The following CD247 variants were observed in gnomAD, a reference collection of about 807,000 sequenced individuals.
CD247 encodes the protein T-cell surface glycoprotein CD3 zeta chain.
In CD247, 13 loss-of-function variants were observed where a neutral mutation model predicts 30.0. The observed-to-expected ratio is 0.43, with a 90% CI of 0.28 to 0.69. The LOEUF (loss-of-function observed/expected upper bound fraction) is 0.69. CD247 is among the 30% of genes least tolerant of loss of function. The pLI is 0.16. For missense variants in CD247, 193 were observed against 212.6 expected (o/e 0.91, Z 0.57); for synonymous variants, 72 against 80.0 (o/e 0.90, Z 0.53).
chr1:167,462,705 G>C (rs1653078384), intron 1 of CD247, among the ~76,000 whole-genome samples: 1 of 152,156 alleles, frequency 6.6e-6, no homozygotes, highest in Non-Finnish European at 1.5e-5. Flanking sequence ...TCCAAAGAAT[G>C]GGACCAGTAA....
rs139338530 is a variant in CD247 at position 167,491,214 on chromosome 1, G to A, written c.58+27194C>T. On this transcript the variant is annotated intron_variant, in intron 1 of 7. Coordinates refer to ENST00000362089, the MANE Select transcript of CD247 (RefSeq NM_198053.3). ...AGAAGGAATGCCGTGCACTGTGGGCGGAAAGGTAAAATGGTACAGCTGTTG... is the reference window on the plus strand; with the variant it reads ...AGAAGGAATGCCGTGCACTGTGGGCAGAAAGGTAAAATGGTACAGCTGTTG... Among the ~76,000 whole-genome samples, 259 of 152,264 alleles carry A rather than the reference G, an allele frequency of 1.7e-3. 1 individual carries two copies. The highest frequency in any genetic ancestry group is 5.8e-3 in the African/African-American group (242 of 41,546).
intron 1 of CD247, among the ~76,000 whole-genome samples, chr1:167,475,721 C>T (rs987361752): frequency 1.3e-5 from 2 of 152,104 alleles, no homozygotes; most frequent in Non-Finnish European, 2.9e-5. Flanking sequence ...TAAATGACAC[C>T]ACAGGGATGC....
chr1:167,469,937 G>A (rs1653431763), intron 1 of CD247, among the ~76,000 whole-genome samples: 2 of 151,694 alleles, frequency 1.3e-5, no homozygotes, highest in South Asian at 2.1e-4. Context: ...TTTTGAGATG[G>A]AGTCTCACTC....
chr1:167,433,967 G>C, intron 6 of CD247, 53 bp downstream of exon 6: 2 of 1,465,826 alleles, frequency 1.4e-6, no homozygotes, highest in Non-Finnish European at 9.6e-7. Context: ...CAGCAGGCGT[G>C]TCTGGAGGAC....
chr1:167,462,798 C>T (rs1252718593), intron 1 of CD247, among the ~76,000 whole-genome samples: 1 of 152,228 alleles, frequency 6.6e-6, no homozygotes, highest in Non-Finnish European at 1.5e-5. Context: ...GGCCCTCATC[C>T]TCCCCTTCTC....
At chr1:167,450,118 C>G (rs1652285266) in intron 1 of CD247, among the ~76,000 whole-genome samples, 1 of 152,182 alleles carries the variant, frequency 6.6e-6, no homozygotes, top group African/African-American at 2.4e-5. Flanking sequence ...CATTTGTTTC[C>G]AATTTTTCAC....
chr1:167,456,433 A>G (rs1571538026), intron 1 of CD247, among the ~76,000 whole-genome samples: 1 of 152,128 alleles, frequency 6.6e-6, no homozygotes, highest in Non-Finnish European at 1.5e-5. Flanking sequence ...AGATGCAGAG[A>G]ATTTTGGAAA....
chr1:167,455,330 G>A (rs1280101321), intron 1 of CD247, among the ~76,000 whole-genome samples: 1 of 152,226 alleles, frequency 6.6e-6, no homozygotes, highest in African/African-American at 2.4e-5. Context: ...TACGCCGGGT[G>A]CACTGCGGGC....
At chr1:167,510,416 A>T (rs1655338290) in intron 1 of CD247, among the ~76,000 whole-genome samples, 1 of 152,096 alleles carries the variant, frequency 6.6e-6, no homozygotes, top group Non-Finnish European at 1.5e-5. Flanking sequence ...TGGCGTGCAC[A>T]TTGCCAACAC....
At chr1:167,495,662 C>T (rs1379035759) in intron 1 of CD247, among the ~76,000 whole-genome samples, 2 of 152,146 alleles carry the variant, frequency 1.3e-5, no homozygotes, top group South Asian at 2.1e-4. Context: ...GCAACTGTCA[C>T]TCTCTCCCCA....
At chr1:167,501,454 A>G (rs1035122296) in intron 1 of CD247, among the ~76,000 whole-genome samples, 2 of 152,192 alleles carry the variant, frequency 1.3e-5, no homozygotes, top group African/African-American at 4.8e-5. Flanking sequence ...TGGCCTATAC[A>G]TCTGTTTTGT....
intron 1 of CD247, among the ~76,000 whole-genome samples, chr1:167,466,383 A>G (rs1486981958): frequency 6.6e-6 from 1 of 152,174 alleles, no homozygotes; most frequent in Non-Finnish European, 1.5e-5. Context: ...ATTAAATGTA[A>G]GTCCATTTTA....
chr1:167,487,003 G>C (rs1654236181), intron 1 of CD247, among the ~76,000 whole-genome samples: 1 of 149,958 alleles, frequency 6.7e-6, no homozygotes, highest in East Asian at 2.0e-4. Flanking sequence ...GAACCCCAGA[G>C]ATGGAGGTTG....
At chr1:167,509,875 G>C (rs967874516) in intron 1 of CD247, among the ~76,000 whole-genome samples, 8 of 152,070 alleles carry the variant, frequency 5.3e-5, no homozygotes, top group Admixed American at 5.2e-4. Flanking sequence ...GAGGAAGGAA[G>C]CTACAAAAAA....
intron 1 of CD247, among the ~76,000 whole-genome samples, chr1:167,464,913 C>CA (rs1294104088): frequency 6.6e-6 from 1 of 152,068 alleles, no homozygotes; most frequent in East Asian, 1.9e-4. Flanking sequence ...AAAACAAAAA[C>CA]AAAAACAAAA....
chr1:167,481,711 G>A (rs1653980192), intron 1 of CD247, among the ~76,000 whole-genome samples: 1 of 152,202 alleles, frequency 6.6e-6, no homozygotes, highest in Non-Finnish European at 1.5e-5. Context: ...TCCAGATGGA[G>A]CCACATTGCA....
chr1:167,495,787 C>T (rs1427638038), intron 1 of CD247, among the ~76,000 whole-genome samples: 1 of 152,172 alleles, frequency 6.6e-6, no homozygotes, highest in Non-Finnish European at 1.5e-5. Flanking sequence ...CCGTCTTCTC[C>T]AGGTTCCCAC....
chr1:167,474,522 A>G (rs7550384), intron 1 of CD247, among the ~76,000 whole-genome samples: 9,578 of 152,092 alleles, frequency 0.063, 460 homozygotes, highest in African/African-American at 0.13. Flanking sequence ...CACAGAAAAG[A>G]TCTTTAGTGA....
chr1:167,498,381 G>A (rs1029084417), intron 1 of CD247, among the ~76,000 whole-genome samples: 3 of 152,198 alleles, frequency 2.0e-5, no homozygotes, highest in Non-Finnish European at 4.4e-5. Context: ...GGTGAAGAGG[G>A]CCTCAAGGGA....
Sources: gnomAD v4.1 joint callset for allele counts (sites outside exome capture counted in the v4.1 genomes callset) on GRCh38, gnomAD v4.1.1 for gene constraint, MANE v1.5 for transcripts, NCBI Gene and HGNC (gene_info 2026-07-23, HGNC 2026-07-21) for gene names.